NRXN1: variants seen among roughly 807,000 people sequenced by gnomAD.
NRXN1 encodes the protein neurexin-1.
In NRXN1, 39 loss-of-function variants were observed where a neutral mutation model predicts 150.9. The ratio of observed to expected loss-of-function variants is 0.26; its 90% CI spans 0.20 to 0.34. The LOEUF is 0.34. Ranked by LOEUF, NRXN1 falls within the 10% of genes least tolerant of loss-of-function variation. The pLI is 1.00. For synonymous variants in NRXN1, 924 were observed against 757.0 expected (o/e 1.22, Z -3.62); for missense variants, 1,815 against 1,949.9 (o/e 0.93, Z 1.30).
At chr2:50,433,254 A>C (rs1207734641) in intron 17 of NRXN1, among the ~76,000 whole-genome samples, 1 of 152,220 alleles carries the variant, frequency 6.6e-6, no homozygotes, top group Non-Finnish European at 1.5e-5. Context: ...ATAGAAATTC[A>C]TTACTGTTGA....
intron 17 of NRXN1, among the ~76,000 whole-genome samples, chr2:50,281,658 G>C (rs2071482716): frequency 6.6e-6 from 1 of 152,106 alleles, no homozygotes; most frequent in Admixed American, 6.5e-5. Context: ...CACAAACCAA[G>C]AGCTCAAAGA....
At chr2:50,667,127 T>C (rs952865163) in intron 5 of NRXN1, among the ~76,000 whole-genome samples, 11 of 152,058 alleles carry the variant, frequency 7.2e-5, no homozygotes, top group African/African-American at 2.4e-4. Context: ...ATTCTAAAGA[T>C]TTAAAAAATT....
At chr2:50,377,164 G>A (rs902515375) in intron 17 of NRXN1, among the ~76,000 whole-genome samples, 3 of 151,980 alleles carry the variant, frequency 2.0e-5, no homozygotes, top group Non-Finnish European at 4.4e-5. Context: ...AAACATGTGC[G>A]ATGGTGGTTT....
At chr2:50,817,762 T>A (rs1268012306) in intron 5 of NRXN1, among the ~76,000 whole-genome samples, 3 of 152,068 alleles carry the variant, frequency 2.0e-5, no homozygotes, top group Admixed American at 1.3e-4. Flanking sequence ...ATCATCTCAA[T>A]AGATGCAGGG....
intron 17 of NRXN1, among the ~76,000 whole-genome samples, chr2:50,321,039 T>C (rs1444173360): frequency 6.6e-6 from 1 of 152,138 alleles, no homozygotes; most frequent in African/African-American, 2.4e-5. Flanking sequence ...TATTAACAAC[T>C]GGAAAGCTGA....
chr2:50,214,266 T>C (rs1231898889), intron 18 of NRXN1, among the ~76,000 whole-genome samples: 1 of 152,026 alleles, frequency 6.6e-6, no homozygotes, highest in Non-Finnish European at 1.5e-5. Context: ...TCTCACTCTG[T>C]GATCACAATT....
At chr2:50,055,811 C>A (rs1397814831) in intron 19 of NRXN1, among the ~76,000 whole-genome samples, 2 of 148,278 alleles carry the variant, frequency 1.3e-5, no homozygotes, top group Admixed American at 1.3e-4. Flanking sequence ...AGTCAAATAT[C>A]TGCTTTTTAT....
chr2:50,699,652 T>C (rs986214125), intron 5 of NRXN1, among the ~76,000 whole-genome samples: 3 of 151,210 alleles, frequency 2.0e-5, no homozygotes. Context: ...CAGAAGGGAG[T>C]GAATTTAGTC....
intron 21 of NRXN1, among the ~76,000 whole-genome samples, chr2:50,045,629 A>G (rs1691685942): frequency 6.6e-6 from 1 of 152,238 alleles, no homozygotes; most frequent in Non-Finnish European, 1.5e-5. Flanking sequence ...GAAGTTCACA[A>G]AGTATTACAG....
At chr2:49,962,868 C>T (rs1676234797) in intron 21 of NRXN1, among the ~76,000 whole-genome samples, 1 of 151,774 alleles carries the variant, frequency 6.6e-6, no homozygotes, top group Non-Finnish European at 1.5e-5. Context: ...CAGGAGGAGC[C>T]CTTGAGCCCA....
intron 19 of NRXN1, among the ~76,000 whole-genome samples, chr2:50,061,100 G>A (rs1028796104): frequency 6.6e-6 from 1 of 152,030 alleles, no homozygotes; most frequent in Non-Finnish European, 1.5e-5. Context: ...ACTAAAAGGG[G>A]TAATGGAAGT....
At chr2:50,522,218 T>A (rs995909235) in intron 12 of NRXN1, among the ~76,000 whole-genome samples, 1 of 152,176 alleles carries the variant, frequency 6.6e-6, no homozygotes, top group Admixed American at 6.5e-5. Context: ...GATATTTGTA[T>A]AAAAGAAACT....
At chr2:50,359,741 C>T (rs933934501) in intron 17 of NRXN1, among the ~76,000 whole-genome samples, 1 of 152,140 alleles carries the variant, frequency 6.6e-6, no homozygotes, top group East Asian at 1.9e-4. Flanking sequence ...CATTCAGATT[C>T]AGGAAATACA....
At chr2:50,071,709 C>G (rs952709296) in intron 19 of NRXN1, among the ~76,000 whole-genome samples, 24 of 152,174 alleles carry the variant, frequency 1.6e-4, no homozygotes, top group African/African-American at 5.3e-4. Context: ...CAAACTAATA[C>G]AGAGATAATT....
At chr2:50,985,223 T>C (rs187369411) in intron 2 of NRXN1, among the ~76,000 whole-genome samples, 2 of 151,996 alleles carry the variant, frequency 1.3e-5, no homozygotes, top group Admixed American at 6.6e-5. Context: ...ATCACCAACA[T>C]CCATGATAGG....
Position 50,465,526 on chromosome 2 carries a change from T to A in NRXN1, c.3280A>T (p.Asn1094Tyr). 1 of 1,610,772 alleles carries A rather than the reference T, an allele frequency of 6.2e-7. No individual in the cohort carries two copies. Among genetic ancestry groups the A allele is most frequent in the Non-Finnish European group, 8.5e-7 (1 of 1,178,126 alleles). The change falls in exon 17 of 23, where the codon AAT (asparagine) becomes TAT (tyrosine). Residue 1094 changes from asparagine to tyrosine, a missense_variant. This residue lies in a region of NRXN1 where 339 missense variants were observed against 440.3 expected (regional missense o/e 0.77). Coordinates refer to ENST00000401669, the MANE Select transcript of NRXN1 (RefSeq NM_001330078.2). ...CATTGTTGCAAGCACACACCTTGATTGGAACATGAGTCCTCTTGGCAGGTT... is the reference window on the plus strand; with the variant it reads ...CATTGTTGCAAGCACACACCTTGATAGGAACATGAGTCCTCTTGGCAGGTT... Reference protein sequence around the residue: ...STTCQEDSCSNQGVCLQQWDG... With the variant: ...STTCQEDSCSYQGVCLQQWDG...
chr2:50,771,724 G>T (rs977385096), intron 5 of NRXN1, among the ~76,000 whole-genome samples: 5 of 152,114 alleles, frequency 3.3e-5, no homozygotes, highest in African/African-American at 9.7e-5. Flanking sequence ...GATGCTACGA[G>T]TTTCCAGGAA....
At chr2:50,661,904 A>G (rs1687356448) in intron 5 of NRXN1, among the ~76,000 whole-genome samples, 1 of 152,072 alleles carries the variant, frequency 6.6e-6, no homozygotes, top group Admixed American at 6.6e-5. Flanking sequence ...AAAGCTTCTT[A>G]GACTTGCAGA....
Position 49,959,246 on chromosome 2 carries a change from G to T in NRXN1, c.4129-15455C>A, listed in dbSNP as rs191079407. ...TGTGTTCCACTGAGTTGGCTGGGAG[G>T]GAGGGAAATGAAGATGAAGTAATAT... On this transcript the variant is annotated intron_variant, in intron 21 of 22. Coordinates refer to ENST00000401669, the MANE Select transcript of NRXN1 (RefSeq NM_001330078.2). 7.2e-5 allele frequency among the ~76,000 whole-genome samples: 11 copies of T among 152,274 alleles called. No homozygotes were observed. The East Asian group carries it at 2.1e-3, about 29-fold the overall frequency.
Sources: gnomAD v4.1 joint callset for allele counts (sites outside exome capture counted in the v4.1 genomes callset) on GRCh38, gnomAD v4.1.1 for gene constraint, gnomAD v4.1.1 regional missense constraint, MANE v1.5 for transcripts, NCBI Gene and HGNC (gene_info 2026-07-23, HGNC 2026-07-21) for gene names.